Variants in OR9Q1 observed in about 807,000 individuals in gnomAD.
The protein encoded by OR9Q1 is olfactory receptor 9Q1.
For synonymous variants in OR9Q1, 153 were observed against 148.6 expected, an observed-to-expected ratio of 1.03 and a Z score of -0.22; for missense variants, 374 against 378.8, an observed-to-expected ratio of 0.99 and a Z score of 0.11.
intron 2 of OR9Q1, among the ~76,000 whole-genome samples, chr11:58,153,233 A>G (rs1051924462): frequency 1.3e-5 from 2 of 152,244 alleles, no homozygotes; most frequent in African/African-American, 2.4e-5. Context: ...TTACTTTGGA[A>G]AAAATTCAGT....
At chr11:58,064,198 A>C (rs1853407320) in intron 2 of OR9Q1, among the ~76,000 whole-genome samples, 1 of 152,150 alleles carries the variant, frequency 6.6e-6, no homozygotes, top group Non-Finnish European at 1.5e-5. Flanking sequence ...ATGCGCATAC[A>C]CTGTGTCATT....
At chr11:58,048,679 A>AAATATATATATATATATATATATATAT (rs745596668) in intron 1 of OR9Q1, among the ~76,000 whole-genome samples, 1 of 131,396 alleles carries the variant, frequency 7.6e-6, no homozygotes, top group African/African-American at 2.8e-5. Context: ...TAAAAAAAAA[A>AAATATATATATATATATATATATATAT]ATATATATAT....
chr11:58,073,580 T>C (rs1016880343), intron 2 of OR9Q1: 3 of 152,864 alleles, frequency 2.0e-5, no homozygotes, highest in African/African-American at 7.2e-5. Flanking sequence ...TTTCTGTAAG[T>C]TTCCTGTCTG....
At chr11:58,033,590 C>T (rs910135036) in intron 1 of OR9Q1, among the ~76,000 whole-genome samples, 2 of 152,034 alleles carry the variant, frequency 1.3e-5, no homozygotes, top group Admixed American at 1.3e-4. Flanking sequence ...ATAAGAGATA[C>T]TGGGGACCTC....
intron 2 of OR9Q1, among the ~76,000 whole-genome samples, chr11:58,155,941 A>ATTTTTT (rs1854403904): frequency 7.6e-6 from 1 of 131,770 alleles, no homozygotes; most frequent in Non-Finnish European, 1.6e-5. Flanking sequence ...TTTGAGATAG[A>ATTTTTT]CTTGCTCTTT....
rs759737063 is a variant in OR9Q1, at chr11:58,180,256, G to A, written c.812G>A (p.Arg271Gln). 26 of 1,613,900 alleles carry A rather than the reference G, an allele frequency of 1.6e-5. No individual in the cohort carries two copies. The highest frequency in any genetic ancestry group is 2.0e-5 in the Non-Finnish European group (24 of 1,179,962). Reference sequence around the variant, plus strand: ...TCAGATCAGTCTTCGGAGAAGAATCGGGTAGTGTCTGTGCTTTACACAGAG... The same window carrying A: ...TCAGATCAGTCTTCGGAGAAGAATCAGGTAGTGTCTGTGCTTTACACAGAG... Reference protein sequence around the residue: ...GNSDQSSEKNRVVSVLYTEVI... With the variant: ...GNSDQSSEKNQVVSVLYTEVI... Residue 271 changes from arginine (R) to glutamine (Q), a missense_variant, in exon 3 of 3, where the codon CGG (arginine) becomes CAG (glutamine). By Grantham distance (43) the Arg-to-Gln change is conservative. Coordinates refer to ENST00000335397, the MANE Select transcript of OR9Q1 (RefSeq NM_001005212.4).
intron 2 of OR9Q1, among the ~76,000 whole-genome samples, chr11:58,062,730 A>G (rs1853391857): frequency 6.6e-6 from 1 of 152,218 alleles, no homozygotes; most frequent in Non-Finnish European, 1.5e-5. Flanking sequence ...TCAAGATCTT[A>G]AAAAAGTAAC....
At chr11:58,081,676 T>C (rs1409240335) in intron 2 of OR9Q1, among the ~76,000 whole-genome samples, 1 of 152,204 alleles carries the variant, frequency 6.6e-6, no homozygotes, top group Non-Finnish European at 1.5e-5. Context: ...TTTGTTTTTT[T>C]CTTGTAAATT....
chr11:58,061,872 T>G (rs757930158), intron 2 of OR9Q1, among the ~76,000 whole-genome samples: 12 of 152,230 alleles, frequency 7.9e-5, no homozygotes, highest in Admixed American at 3.9e-4. Context: ...ATGTCTCGGT[T>G]CACACCCATT....
At chr11:58,079,881 C>T (rs998722045) in intron 2 of OR9Q1, among the ~76,000 whole-genome samples, 3 of 152,148 alleles carry the variant, frequency 2.0e-5, no homozygotes, top group African/African-American at 4.8e-5. Flanking sequence ...CAGAACTGCC[C>T]AGCTGAGCCA....
chr11:58,136,217 G>T (rs572893644), intron 2 of OR9Q1, among the ~76,000 whole-genome samples: 1 of 152,278 alleles, frequency 6.6e-6, no homozygotes, highest in East Asian at 1.9e-4. Flanking sequence ...GGTCTGTCTG[G>T]AAGTGAAATG....
At chr11:58,166,964 A>G (rs1476082958) in intron 2 of OR9Q1, among the ~76,000 whole-genome samples, 1 of 152,194 alleles carries the variant, frequency 6.6e-6, no homozygotes, top group Non-Finnish European at 1.5e-5. Context: ...CCATCACCTG[A>G]ACAACATACA....
Position 58,031,826 on chromosome 11 carries a change from C to T in OR9Q1, c.-93+7722C>T, listed in dbSNP as rs960938988. On this transcript the variant is annotated intron_variant, in intron 1 of 2. Coordinates refer to ENST00000335397, the MANE Select transcript of OR9Q1 (RefSeq NM_001005212.4). ...TGTTGTCACGCCCATGCTCAATCCT[C>T]TCATCTACAGTCTTAGGAACAAGGA... 3 of 1,614,168 alleles carry T rather than the reference C, an allele frequency of 1.9e-6. No individual in the cohort carries two copies. In the Admixed American group the frequency reaches 5.0e-5, roughly 27 times the overall value.
chr11:58,042,719 C>G (rs539473397), intron 1 of OR9Q1, among the ~76,000 whole-genome samples: 1 of 152,288 alleles, frequency 6.6e-6, no homozygotes, highest in East Asian at 1.9e-4. Context: ...GGCATTGAAT[C>G]TATAAATGAC....
rs1853120817 is a variant in OR9Q1 at position 58,037,699 on chromosome 11, T to TAG, written c.-93+13595_-93+13596insAG. Among the ~76,000 whole-genome samples, 7 of 7,126 alleles carry TAG rather than the reference T, an allele frequency of 9.8e-4. 1 individual carries two copies. The highest frequency in any genetic ancestry group is 2.1e-3 in the African/African-American group (3 of 1,436). The allele number at this position is 7,126 out of a possible 152,430, so 4.7% of individuals were successfully genotyped here. The stretch of plus-strand genomic sequence containing the variant: ...TATATATATATATATATTTTTTTTT[T>TAG]TTTTTTTTTTTTTTTTTTTTTTTTT... On this transcript the variant is annotated intron_variant, in intron 1 of 2. Coordinates refer to ENST00000335397, the MANE Select transcript of OR9Q1 (RefSeq NM_001005212.4).
At position 58,154,587 on chromosome 11, in the gene OR9Q1, T is replaced by A. The variant is rs535569497; in HGVS notation, c.-14-24844T>A. ...TAGAAATTAATCATACATTTCAAAA[T>A]AACTAGAAGAGAAGATCTGAAACAT... On this transcript the variant is annotated intron_variant, in intron 2 of 2. Transcript: ENST00000335397. Among the ~76,000 whole-genome samples the A allele has an allele frequency of 2.0e-5, 3 of 152,258 alleles. No homozygotes were observed. In the South Asian group the frequency reaches 6.2e-4, roughly 32 times the overall value.
intron 2 of OR9Q1, among the ~76,000 whole-genome samples, chr11:58,132,597 C>T (rs1048019541): frequency 6.6e-6 from 1 of 152,140 alleles, no homozygotes; most frequent in Non-Finnish European, 1.5e-5. Context: ...TGGGACCTCA[C>T]ACAGTCACAT....
rs1359632013 is a variant in OR9Q1, at chr11:58,055,927, G to A, written c.-35G>A. The stretch of plus-strand genomic sequence containing the variant: ...ACTGCATGCTGGTGCCTTGATCTTG[G>A]ACTTCCCAGCCTCCTGAACTGTAAG... On this transcript the variant is annotated 5_prime_UTR_variant, in exon 2 of 3. Coordinates refer to ENST00000335397, the MANE Select transcript of OR9Q1 (RefSeq NM_001005212.4). The A allele has an allele frequency of 6.5e-6, 1 of 153,212 alleles. No individual in the cohort carries two copies. Among genetic ancestry groups the A allele is most frequent in the African/African-American group, 2.4e-5 (1 of 41,300 alleles). The allele number at this position is 153,212 out of a possible 1,614,324, so 9.5% of individuals were successfully genotyped here. A position where few individuals can be genotyped will look rare whatever the true frequency, so the allele number is the denominator to read the frequency against.
chr11:58,055,166 TA>T (rs375829370), intron 1 of OR9Q1, among the ~76,000 whole-genome samples: 9 of 150,942 alleles, frequency 6.0e-5, no homozygotes, highest in African/African-American at 1.9e-4. Flanking sequence ...TTCTCATCTG[TA>T]AAAAGGGGAC....
Sources: allele counts gnomAD v4.1 joint callset (sites outside exome capture counted in the v4.1 genomes callset), GRCh38; gene constraint gnomAD v4.1.1; transcripts MANE v1.5; gene names NCBI Gene and HGNC (gene_info 2026-07-23, HGNC 2026-07-21).